Variants in DPYD observed in about 807,000 individuals in gnomAD.
DPYD encodes dihydropyrimidine dehydrogenase [NADP(+)].
DPYD carries 109 observed loss-of-function variants against 116.2 expected under a neutral mutation model. That is an observed-to-expected ratio of 0.94 (90% CI 0.80 to 1.10). The LOEUF is 1.10. DPYD is among the 50% of genes least tolerant of loss of function. The pLI, the probability that DPYD is intolerant of heterozygous loss-of-function variation, is 0.00. For missense variants in DPYD, 1,302 were observed against 1,254.5 expected (o/e 1.04, Z -0.57); for synonymous variants, 440 against 432.0 (o/e 1.02, Z -0.23).
chr1:97,520,783 T>C (rs2101989773), intron 12 of DPYD, among the ~76,000 whole-genome samples: 1 of 152,278 alleles, frequency 6.6e-6, no homozygotes, highest in Admixed American at 6.5e-5. Context: ...GCTTCATCCA[T>C]GTCCCTGCAA....
chr1:97,782,900 T>C (rs1666831463), intron 3 of DPYD, among the ~76,000 whole-genome samples: 1 of 152,186 alleles, frequency 6.6e-6, no homozygotes, highest in Non-Finnish European at 1.5e-5. Context: ...GGTGATACCA[T>C]GGTTCACCCT....
At chr1:97,240,892 T>A (rs996276909) in intron 18 of DPYD, among the ~76,000 whole-genome samples, 2 of 151,976 alleles carry the variant, frequency 1.3e-5, no homozygotes, top group Non-Finnish European at 2.9e-5. Flanking sequence ...AAAAATAACA[T>A]CTTTACACAT....
intron 8 of DPYD, among the ~76,000 whole-genome samples, chr1:97,667,638 A>C (rs1659637853): frequency 6.6e-6 from 1 of 152,146 alleles, no homozygotes; most frequent in South Asian, 2.1e-4. Context: ...TGGTGTAGCT[A>C]CTTTGGAAAC....
At chr1:97,307,891 C>T (rs949262583) in intron 16 of DPYD, among the ~76,000 whole-genome samples, 2 of 151,880 alleles carry the variant, frequency 1.3e-5, no homozygotes, top group Non-Finnish European at 2.9e-5. Flanking sequence ...CTAGAAATGA[C>T]AGTAACTCTA....
At chr1:97,335,546 G>A (rs903325667) in intron 16 of DPYD, among the ~76,000 whole-genome samples, 2 of 151,966 alleles carry the variant, frequency 1.3e-5, no homozygotes, top group Non-Finnish European at 2.9e-5. Flanking sequence ...TTCTCCATGG[G>A]AATCACTATA....
rs532332804 is a variant in DPYD at position 97,868,585 on chromosome 1, A to C, written c.150+14679T>G. On this transcript the variant is annotated intron_variant, in intron 2 of 22. Coordinates refer to ENST00000370192, the MANE Select transcript of DPYD (RefSeq NM_000110.4). ...CCTTTTAAAATTCCTCAGTTCATTT[A>C]ACTCTCAAAATAATGTAGTTAGATT... is the stretch of plus-strand genomic sequence containing the variant. 2.0e-4 allele frequency among the ~76,000 whole-genome samples: 31 copies of C among 151,930 alleles called. No homozygotes were observed. In the East Asian group the frequency reaches 5.5e-3, roughly 27 times the overall value.
intron 20 of DPYD, among the ~76,000 whole-genome samples, chr1:97,177,704 T>C (rs1657388799): frequency 6.6e-6 from 1 of 152,034 alleles, no homozygotes; most frequent in African/African-American, 2.4e-5. Flanking sequence ...AGGTGCACAC[T>C]CTTCTTGGTT....
At chr1:97,661,374 T>G (rs1373963475) in intron 8 of DPYD, among the ~76,000 whole-genome samples, 1 of 152,194 alleles carries the variant, frequency 6.6e-6, no homozygotes, top group East Asian at 1.9e-4. Context: ...TTATTCGGCA[T>G]TATGGAAACA....
At chr1:97,687,815 G>T (rs1021949093) in intron 7 of DPYD, among the ~76,000 whole-genome samples, 2 of 152,144 alleles carry the variant, frequency 1.3e-5, no homozygotes, top group Admixed American at 1.3e-4. Context: ...ATTAGATCAT[G>T]TCCTTTGCAG....
At position 97,450,123 on chromosome 1, in the gene DPYD, C is replaced by T. The variant is rs1245407981; in HGVS notation, c.1841G>A (p.Ser614Asn). 1 of 1,613,968 alleles carries T rather than the reference C, an allele frequency of 6.2e-7. No homozygotes were observed. The highest frequency in any genetic ancestry group is 8.5e-7 in the Non-Finnish European group (1 of 1,179,904). The change falls in exon 14 of 23, where the codon AGT (serine) becomes AAT (asparagine). Residue 614 changes from serine (S) to asparagine (N), a missense_variant. Transcript: ENST00000370192. ...ACACCAATATGCAGCCGTTTTCTCACTGATGAGCTCAATATTCAGAAAGGA... is the reference window on the plus strand; with the variant it reads ...ACACCAATATGCAGCCGTTTTCTCATTGATGAGCTCAATATTCAGAAAGGA... ...QSSFLNIELISEKTAAYWCQS... is the reference protein window; with the variant it reads ...QSSFLNIELINEKTAAYWCQS...
intron 14 of DPYD, among the ~76,000 whole-genome samples, chr1:97,430,451 T>C (rs746256007): frequency 2.0e-5 from 3 of 152,150 alleles, no homozygotes; most frequent in Non-Finnish European, 4.4e-5. Flanking sequence ...CAGAAACATT[T>C]TATGGCATAT....
At chr1:97,173,283 CAT>C (rs768955126) in intron 20 of DPYD, among the ~76,000 whole-genome samples, 1,447 of 120,398 alleles carry the variant, frequency 0.012, 15 homozygotes, top group Non-Finnish European at 0.02. Context: ...TATATGCACA[CAT>C]ATATGTACAC....
chr1:97,619,656 T>A (rs1656511950), intron 8 of DPYD, among the ~76,000 whole-genome samples: 1 of 152,188 alleles, frequency 6.6e-6, no homozygotes, highest in Admixed American at 6.6e-5. Flanking sequence ...ATTCAAGTAA[T>A]CATGCTTCTT....
At chr1:97,727,851 C>A (rs942447845) in intron 4 of DPYD, among the ~76,000 whole-genome samples, 1 of 151,970 alleles carries the variant, frequency 6.6e-6, no homozygotes, top group East Asian at 1.9e-4. Flanking sequence ...GGGAAGATTT[C>A]TTGAGTCCTC....
At chr1:97,463,668 G>T (rs1461978185) in intron 13 of DPYD, among the ~76,000 whole-genome samples, 3 of 152,158 alleles carry the variant, frequency 2.0e-5, no homozygotes, top group African/African-American at 7.2e-5. Context: ...CAAAAATGCT[G>T]ATAATGATAA....
At chr1:97,825,751 C>A (rs1004100883) in intron 3 of DPYD, among the ~76,000 whole-genome samples, 22 of 151,798 alleles carry the variant, frequency 1.4e-4, no homozygotes, top group African/African-American at 4.8e-4. Context: ...TGCACATGTA[C>A]CCTAGAACTT....
At chr1:97,228,856 C>T (rs1211015512) in intron 19 of DPYD, among the ~76,000 whole-genome samples, 1 of 151,940 alleles carries the variant, frequency 6.6e-6, no homozygotes, top group Non-Finnish European at 1.5e-5. Context: ...GATCAAGAGG[C>T]TAAGGGCTTT....
chr1:97,635,458 A>T (rs1359339217), intron 8 of DPYD, among the ~76,000 whole-genome samples: 1 of 152,056 alleles, frequency 6.6e-6, no homozygotes. Context: ...CCGCCATGGG[A>T]TTATGTGTTA....
intron 21 of DPYD, 82 bp from the exon 22 acceptor site, chr1:97,082,552 GT>G (rs1649232409): frequency 6.6e-7 from 1 of 1,514,954 alleles, no homozygotes; most frequent in Non-Finnish European, 9.1e-7. Context: ...GCATTTTCCT[GT>G]TTTTATACAA....
Sources: allele counts gnomAD v4.1 joint callset (sites outside exome capture counted in the v4.1 genomes callset), GRCh38; gene constraint gnomAD v4.1.1; transcripts MANE v1.5; gene names NCBI Gene and HGNC (gene_info 2026-07-23, HGNC 2026-07-21).